CCDC158: variants seen among roughly 807,000 people sequenced by gnomAD.
CCDC158 encodes the protein coiled-coil domain containing 158.
A neutral mutation model predicts 138.6 loss-of-function variants in CCDC158; 116 were observed. The observed-to-expected ratio is 0.84, with a 90% CI of 0.72 to 0.98. The LOEUF (loss-of-function observed/expected upper bound fraction) is 0.98, where lower values mean the gene tolerates loss of function less well. Ranked by LOEUF, CCDC158 falls within the 50% of genes least tolerant of loss-of-function variation. The pLI, the probability that CCDC158 is intolerant of heterozygous loss-of-function variation, is 0.00. For synonymous variants in CCDC158, 436 were observed against 442.4 expected, an observed-to-expected ratio of 0.99 and a Z score of 0.18; for missense variants, 1,265 against 1,306.1, an observed-to-expected ratio of 0.97 and a Z score of 0.48.
intron 8 of CCDC158, among the ~76,000 whole-genome samples, chr4:76,380,753 T>C (rs1003614863): frequency 6.6e-6 from 1 of 152,190 alleles, no homozygotes; most frequent in Non-Finnish European, 1.5e-5. Flanking sequence ...CCGGGGCATG[T>C]CAGAGATCTT....
Position 76,410,930 on chromosome 4 carries a change from C to A in CCDC158, c.-74+1160G>T, listed in dbSNP as rs78585375. Reference sequence around the variant, plus strand: ...AATATTTAACCTCTCTATGACTATACGAGGGAGATAAAAAGTATACAGCTT... The same window carrying A: ...AATATTTAACCTCTCTATGACTATAAGAGGGAGATAAAAAGTATACAGCTT... On this transcript the variant is annotated intron_variant, in intron 2 of 24. Coordinates refer to ENST00000682701, the MANE Select transcript of CCDC158 (RefSeq NM_001394954.1). Among the ~76,000 whole-genome samples the A allele has an allele frequency of 4.1e-3, 626 of 152,174 alleles. 6 individuals are homozygous for A. Among genetic ancestry groups the A allele is most frequent in the African/African-American group, 0.014 (597 of 41,500 alleles).
chr4:76,335,855 G>T (rs1721434777), intron 18 of CCDC158, among the ~76,000 whole-genome samples: 3 of 151,728 alleles, frequency 2.0e-5, no homozygotes, highest in Admixed American at 6.6e-5. Flanking sequence ...TTACAGGTGT[G>T]AGCCACTGTG....
intron 3 of CCDC158, among the ~76,000 whole-genome samples, chr4:76,397,743 G>A (rs368587985): frequency 1.3e-5 from 2 of 152,228 alleles, no homozygotes; most frequent in East Asian, 3.8e-4. Flanking sequence ...AGTTATCAGT[G>A]CTTCTAACTT....
chr4:76,323,180 C>T, intron 24 of CCDC158, 122 bp downstream of exon 24: 1 of 663,444 alleles, frequency 1.5e-6, no homozygotes, highest in Non-Finnish European at 2.6e-6. Context: ...TATATTTAGA[C>T]TTCAGTTTAC....
intron 20 of CCDC158, among the ~76,000 whole-genome samples, chr4:76,331,901 C>CT (rs1721044495): frequency 6.6e-6 from 1 of 152,084 alleles, no homozygotes; most frequent in African/African-American, 2.4e-5. Context: ...TAACATTAGC[C>CT]TTTTTTCTTT....
intron 4 of CCDC158, among the ~76,000 whole-genome samples, chr4:76,388,931 A>C (rs1022547851): frequency 6.6e-6 from 1 of 152,182 alleles, no homozygotes; most frequent in Non-Finnish European, 1.5e-5. Flanking sequence ...GAGTCTGCAA[A>C]AACCATAGCA....
intron 11 of CCDC158, 55 bp downstream of exon 11, chr4:76,369,371 T>A (rs765098972): frequency 5.4e-5 from 83 of 1,534,310 alleles, no homozygotes; most frequent in Non-Finnish European, 7.2e-5. Context: ...ACATAAAATA[T>A]TTATTTCCCC....
chr4:76,405,241 A>G (rs1045028757), intron 2 of CCDC158, among the ~76,000 whole-genome samples: 1 of 152,238 alleles, frequency 6.6e-6, no homozygotes, highest in Non-Finnish European at 1.5e-5. Context: ...GTGTAGTAGT[A>G]CTTTCAAGAA....
chr4:76,379,618 A>G lies in CCDC158; in HGVS notation c.915-214T>C, dbSNP rs183343837. ...GGTGACAGCTGTATGGGAGTGCATT[A>G]CACTATTTTCTCTCTACTTTTGTAT... On this transcript the variant is annotated intron_variant, in intron 8 of 24. Coordinates refer to ENST00000682701, the MANE Select transcript of CCDC158 (RefSeq NM_001394954.1). Among the ~76,000 whole-genome samples the G allele has an allele frequency of 1.6e-4, 25 of 152,338 alleles. No homozygotes were observed. The East Asian group carries it at 4.2e-3, about 26-fold the overall frequency.
chr4:76,324,206 T>C (rs2110082022), intron 23 of CCDC158, among the ~76,000 whole-genome samples: 1 of 152,004 alleles, frequency 6.6e-6, no homozygotes, highest in Middle Eastern at 3.4e-3. Context: ...CTTTTTTTTT[T>C]TTTTTTGAGA....
chr4:76,336,582 T>C (rs942188889), intron 18 of CCDC158, among the ~76,000 whole-genome samples: 4 of 152,204 alleles, frequency 2.6e-5, no homozygotes, highest in Non-Finnish European at 5.9e-5. Context: ...AATTTTTGTA[T>C]AGCTTCAAAT....
At chr4:76,319,262 A>C (rs1370133873) in intron 24 of CCDC158, among the ~76,000 whole-genome samples, 1 of 145,370 alleles carries the variant, frequency 6.9e-6, no homozygotes, top group Non-Finnish European at 1.5e-5. Flanking sequence ...ACAGAGCAAG[A>C]CTCCATCTTA....
chr4:76,349,031 C>A (rs1319549763), intron 18 of CCDC158, among the ~76,000 whole-genome samples: 3 of 152,058 alleles, frequency 2.0e-5, no homozygotes, highest in Admixed American at 1.3e-4. Flanking sequence ...CTGTTATACA[C>A]CAAACCAAAG....
intron 18 of CCDC158, among the ~76,000 whole-genome samples, chr4:76,336,758 C>T (rs764473649): frequency 1.1e-4 from 17 of 152,148 alleles, no homozygotes; most frequent in Admixed American, 3.3e-4. Flanking sequence ...ACACCTCAAG[C>T]TAAATGTTCT....
chr4:76,351,707 A>T lies in CCDC158; in HGVS notation c.2538+13T>A. 6.4e-7 allele frequency: 1 copy of T among 1,553,672 alleles called. No homozygotes were observed. Among genetic ancestry groups the T allele is most frequent in the Non-Finnish European group, 8.9e-7 (1 of 1,126,540 alleles). ...ATTATTTTCGCTTAAACTAATATTT[A>T]TGATGACCTTACTTTTATATCCAAA... On this transcript the variant is annotated intron_variant, in intron 17 of 24. Transcript: ENST00000682701.
intron 24 of CCDC158, among the ~76,000 whole-genome samples, chr4:76,316,900 C>CAAAAAAA (rs77150446): frequency 8.0e-5 from 5 of 62,610 alleles, no homozygotes; most frequent in African/African-American, 1.8e-4. Context: ...CTTTTGCAGA[C>CAAAAAAA]AAAAAAAAAA....
chr4:76,367,853 T>A, intron 11 of CCDC158, 77 bp from the exon 12 acceptor site: 1 of 1,384,196 alleles, frequency 7.2e-7, no homozygotes, highest in Non-Finnish European at 9.7e-7. Context: ...CAAGTTAACT[T>A]AAAAGCATGA....
chr4:76,383,434 C>T lies in CCDC158; in HGVS notation c.803+228G>A, dbSNP rs571279515. On this transcript the variant is annotated intron_variant, in intron 7 of 24. Coordinates refer to ENST00000682701, the MANE Select transcript of CCDC158 (RefSeq NM_001394954.1). ...ATTGGGAGCTGAGCTTAATCTCTCTCTCTCTCTCTCCTACAGCAATACTCC... is the reference window on the plus strand; with the variant it reads ...ATTGGGAGCTGAGCTTAATCTCTCTTTCTCTCTCTCCTACAGCAATACTCC... 2.6e-5 allele frequency among the ~76,000 whole-genome samples: 4 copies of T among 152,296 alleles called. No individual in the cohort carries two copies. In the East Asian group the frequency reaches 5.8e-4, roughly 22 times the overall value.
intron 13 of CCDC158, among the ~76,000 whole-genome samples, chr4:76,360,220 T>C (rs763542860): frequency 6.6e-6 from 1 of 152,170 alleles, no homozygotes; most frequent in Non-Finnish European, 1.5e-5. Context: ...CCACTTAGAT[T>C]TCAGAGGATA....
Sources: allele counts gnomAD v4.1 joint callset (sites outside exome capture counted in the v4.1 genomes callset), GRCh38; gene constraint gnomAD v4.1.1; transcripts MANE v1.5; gene names NCBI Gene and HGNC (gene_info 2026-07-23, HGNC 2026-07-21).